LUZP2: variants seen among roughly 807,000 people sequenced by gnomAD.
LUZP2 encodes the protein leucine zipper protein 2.
In LUZP2, 52 loss-of-function variants were observed where a neutral mutation model predicts 51.6. The ratio of observed to expected loss-of-function variants is 1.01; its 90% CI spans 0.81 to 1.27. The LOEUF is 1.27. LUZP2 is among the 50% of genes most tolerant of loss of function. The pLI is 0.00. For missense variants in LUZP2, 436 were observed against 395.4 expected (o/e 1.10, Z -0.87); for synonymous variants, 154 against 137.3 (o/e 1.12, Z -0.85).
intron 9 of LUZP2, among the ~76,000 whole-genome samples, chr11:25,042,935 T>C (rs1307826389): frequency 2.6e-5 from 4 of 152,180 alleles, no homozygotes; most frequent in African/African-American, 9.7e-5. Context: ...GTATAGGGCC[T>C]TTGTGAAAGT....
intron 8 of LUZP2, among the ~76,000 whole-genome samples, chr11:24,978,778 G>A (rs971886103): frequency 2.6e-5 from 4 of 151,682 alleles, no homozygotes; most frequent in Non-Finnish European, 4.4e-5. Flanking sequence ...CATAGGGCAC[G>A]GTATAGTCAC....
At chr11:24,537,654 C>CAT (rs33982974) in intron 1 of LUZP2, among the ~76,000 whole-genome samples, 124,058 of 151,494 alleles carry the variant, frequency 0.82, 51,460 homozygotes, top group East Asian at 0.9. Context: ...TGAAGCAAAA[C>CAT]GTGTTAAATT....
chr11:24,886,644 G>A (rs1244638177), intron 5 of LUZP2, among the ~76,000 whole-genome samples: 1 of 152,152 alleles, frequency 6.6e-6, no homozygotes, highest in Non-Finnish European at 1.5e-5. Context: ...TTAAGGGGAA[G>A]AAACCATAAA....
intron 4 of LUZP2, among the ~76,000 whole-genome samples, chr11:24,756,688 A>G (rs1859788757): frequency 1.3e-5 from 2 of 152,218 alleles, no homozygotes; most frequent in African/African-American, 4.8e-5. Context: ...AACACAGAAG[A>G]CTTCTGTGAC....
intron 1 of LUZP2, among the ~76,000 whole-genome samples, chr11:24,627,795 C>A (rs1188100346): frequency 6.6e-6 from 1 of 152,072 alleles, no homozygotes; most frequent in African/African-American, 2.4e-5. Context: ...CATATGACAC[C>A]CATTGGATGA....
At chr11:24,914,381 G>A in intron 6 of LUZP2, 95 bp from the exon 7 acceptor site, 3 of 937,624 alleles carry the variant, frequency 3.2e-6, no homozygotes, top group Non-Finnish European at 5.0e-6. Flanking sequence ...TTGCTTGGCT[G>A]CAAAATGTAT....
intron 4 of LUZP2, among the ~76,000 whole-genome samples, chr11:24,753,624 C>A (rs1859671493): frequency 6.6e-6 from 1 of 152,130 alleles, no homozygotes; most frequent in Non-Finnish European, 1.5e-5. Flanking sequence ...ATAAAAGTGA[C>A]CAAACTGCTT....
chr11:24,752,815 A>C (rs1351783230), intron 4 of LUZP2, among the ~76,000 whole-genome samples: 2 of 152,154 alleles, frequency 1.3e-5, no homozygotes, highest in Non-Finnish European at 2.9e-5. Context: ...AATGTATTAG[A>C]AATCATGAGA....
At chr11:24,717,956 G>A (rs1006432241) in intron 1 of LUZP2, among the ~76,000 whole-genome samples, 2 of 152,152 alleles carry the variant, frequency 1.3e-5, no homozygotes, top group Admixed American at 6.5e-5. Context: ...AGTATTCTAC[G>A]GTGTTTTTGT....
At chr11:24,937,661 G>A (rs1394200194) in intron 7 of LUZP2, among the ~76,000 whole-genome samples, 3 of 152,064 alleles carry the variant, frequency 2.0e-5, no homozygotes, top group Admixed American at 1.3e-4. Context: ...CAGCACTTTG[G>A]GAGGCCGAGG....
At chr11:24,619,652 C>A (rs1015524363) in intron 1 of LUZP2, among the ~76,000 whole-genome samples, 1 of 152,084 alleles carries the variant, frequency 6.6e-6, no homozygotes, top group Non-Finnish European at 1.5e-5. Flanking sequence ...TCCACAGAAA[C>A]CAATATCAGA....
intron 1 of LUZP2, among the ~76,000 whole-genome samples, chr11:24,623,359 C>T (rs1385766495): frequency 4.6e-5 from 7 of 152,136 alleles, no homozygotes; most frequent in Non-Finnish European, 1.5e-5. Flanking sequence ...TGCTTACCTA[C>T]TCATAGTAAA....
intron 7 of LUZP2, among the ~76,000 whole-genome samples, chr11:24,944,427 G>A (rs1192588345): frequency 6.6e-6 from 1 of 152,088 alleles, no homozygotes; most frequent in African/African-American, 2.4e-5. Context: ...TATAATTTTT[G>A]TATGCACAAA....
At chr11:24,853,944 T>C (rs1173350039) in intron 5 of LUZP2, among the ~76,000 whole-genome samples, 1 of 152,116 alleles carries the variant, frequency 6.6e-6, no homozygotes, top group Non-Finnish European at 1.5e-5. Context: ...ATATCACCAG[T>C]GGAGGCTGTA....
intron 1 of LUZP2, among the ~76,000 whole-genome samples, chr11:24,682,296 A>G (rs1205926447): frequency 6.6e-6 from 1 of 151,954 alleles, no homozygotes; most frequent in Non-Finnish European, 1.5e-5. Flanking sequence ...GGAGTGTGAG[A>G]CCAGCCTGGC....
chr11:24,820,732 T>A (rs1010864273), intron 5 of LUZP2, among the ~76,000 whole-genome samples: 1 of 152,128 alleles, frequency 6.6e-6, no homozygotes, highest in African/African-American at 2.4e-5. Flanking sequence ...TCTTTGGATT[T>A]GGGTGTTACG....
At chr11:25,016,743 A>G (rs777440130) in intron 9 of LUZP2, among the ~76,000 whole-genome samples, 37 of 152,212 alleles carry the variant, frequency 2.4e-4, no homozygotes, top group South Asian at 8.3e-4. Flanking sequence ...GTACATATGC[A>G]TGTGTCTTTT....
chr11:24,552,930 A>C (rs1851762228), intron 1 of LUZP2, among the ~76,000 whole-genome samples: 1 of 151,264 alleles, frequency 6.6e-6, no homozygotes. Flanking sequence ...ATTATAAATA[A>C]ATATGAAAAT....
At chr11:24,602,014 A>ATGTATATATGTGTATATATGTATATC (rs1565020035) in intron 1 of LUZP2, among the ~76,000 whole-genome samples, 1 of 128,718 alleles carries the variant, frequency 7.8e-6, no homozygotes, top group Non-Finnish European at 1.7e-5. Context: ...ATATGTATAT[A>ATGTATATATGTGTATATATGTATATC]TGTATATATG....
Sources: allele counts gnomAD v4.1 joint callset (sites outside exome capture counted in the v4.1 genomes callset), GRCh38; gene constraint gnomAD v4.1.1; transcripts MANE v1.5; gene names NCBI Gene and HGNC (gene_info 2026-07-23, HGNC 2026-07-21).